The following KSR2 variants were observed in gnomAD, a reference collection of about 807,000 sequenced individuals.
KSR2 encodes kinase suppressor of ras 2.
A neutral mutation model predicts 107.8 loss-of-function variants in KSR2; 25 were observed. The observed-to-expected ratio is 0.23, with a 90% CI of 0.17 to 0.32. KSR2 has a LOEUF of 0.32. Among genes scored for constraint, KSR2 ranks in the 10% least tolerant of loss-of-function variants. The pLI is 1.00. For missense variants in KSR2, 887 were observed against 1,268.9 expected (o/e 0.70, Z 4.57); for synonymous variants, 480 against 507.0 (o/e 0.95, Z 0.71).
chr12:117,936,301 T>A (rs796401100), intron 1 of KSR2, among the ~76,000 whole-genome samples: 25 of 151,932 alleles, frequency 1.6e-4, no homozygotes, highest in African/African-American at 5.8e-4. Flanking sequence ...GTGCTAGGAT[T>A]ACAGGCATGA....
intron 3 of KSR2, among the ~76,000 whole-genome samples, chr12:117,844,509 T>C (rs1013479339): frequency 6.6e-6 from 1 of 151,880 alleles, no homozygotes; most frequent in Non-Finnish European, 1.5e-5. Flanking sequence ...TCACAAGTTT[T>C]TTAAAAAGTT....
At chr12:117,866,261 C>G (rs956067457) in intron 1 of KSR2, among the ~76,000 whole-genome samples, 1 of 152,044 alleles carries the variant, frequency 6.6e-6, no homozygotes, top group Non-Finnish European at 1.5e-5. Context: ...CTTGGTTGCC[C>G]AGGCTGGTCT....
At position 117,555,340 on chromosome 12, in the gene KSR2, C is replaced by T. The variant is rs1212182674; in HGVS notation, c.1394-47G>A. ...TTTGGGAGTTTAAGTATCACTTTGT[C>T]TTTGGTTATGCCAGGACGGCATAGC... On this transcript the variant is annotated intron_variant, in intron 8 of 19. Transcript: ENST00000339824. The T allele has an allele frequency of 1.9e-6, 3 of 1,608,252 alleles. No homozygotes were observed. The South Asian group carries it at 3.3e-5, about 18-fold the overall frequency.
At chr12:117,671,250 A>G (rs974623898) in intron 4 of KSR2, among the ~76,000 whole-genome samples, 1 of 152,166 alleles carries the variant, frequency 6.6e-6, no homozygotes, top group African/African-American at 2.4e-5. Flanking sequence ...TCCTCCAGAA[A>G]GCATTCCCTA....
chr12:117,499,510 T>C (rs775453457), intron 14 of KSR2, among the ~76,000 whole-genome samples: 4 of 152,212 alleles, frequency 2.6e-5, no homozygotes, highest in Non-Finnish European at 5.9e-5. Context: ...GGTGGGGAAC[T>C]GAAATGAGAA....
chr12:117,594,900 C>T (rs985683957), intron 5 of KSR2, among the ~76,000 whole-genome samples: 13 of 152,158 alleles, frequency 8.5e-5, no homozygotes, highest in Admixed American at 3.9e-4. Context: ...ATGCTACAAA[C>T]GAACAGAACA....
chr12:117,766,441 G>T (rs1041163237), intron 3 of KSR2, among the ~76,000 whole-genome samples: 2 of 152,204 alleles, frequency 1.3e-5, no homozygotes, highest in Non-Finnish European at 2.9e-5. Context: ...TTTTGAGGGG[G>T]TGATGAAATA....
At chr12:117,736,407 C>T (rs1268498033) in intron 4 of KSR2, among the ~76,000 whole-genome samples, 1 of 152,214 alleles carries the variant, frequency 6.6e-6, no homozygotes, top group Non-Finnish European at 1.5e-5. Flanking sequence ...TCTGAACTCC[C>T]AGTGCCTGGC....
intron 14 of KSR2, among the ~76,000 whole-genome samples, chr12:117,501,525 A>G (rs745548689): frequency 3.9e-5 from 6 of 152,116 alleles, no homozygotes; most frequent in Non-Finnish European, 7.3e-5. Flanking sequence ...CTGAGCTAAC[A>G]CTTCCAGAGC....
chr12:117,579,264 G>T, intron 6 of KSR2, 62 bp from the exon 7 acceptor site: 1 of 1,145,084 alleles, frequency 8.7e-7, no homozygotes, highest in Non-Finnish European at 1.3e-6. Context: ...TATCTCTAGA[G>T]GGATGAAGTA....
At chr12:117,685,010 G>A (rs558619998) in intron 4 of KSR2, among the ~76,000 whole-genome samples, 11 of 152,316 alleles carry the variant, frequency 7.2e-5, no homozygotes, top group African/African-American at 2.6e-4. Flanking sequence ...TGGGAGGGGA[G>A]GGGTAGGGGC....
chr12:117,891,604 A>G (rs1894343801), intron 1 of KSR2, among the ~76,000 whole-genome samples: 1 of 152,114 alleles, frequency 6.6e-6, no homozygotes, highest in Non-Finnish European at 1.5e-5. Context: ...AAAAAATGAA[A>G]TGTTTTATTA....
Position 117,638,785 on chromosome 12 carries a change from T to A in KSR2, c.1171+28689A>T, listed in dbSNP as rs1260158730. ...AATTCAGGACTGAGCACTCAGGTGT[T>A]CATTTTATCAGGGCTGGAACTACCA... On this transcript the variant is annotated intron_variant, in intron 5 of 19. Coordinates refer to ENST00000339824, the MANE Select transcript of KSR2 (RefSeq NM_173598.6). Among the ~76,000 whole-genome samples, 3 of 152,132 alleles carry A rather than the reference T, an allele frequency of 2.0e-5. No homozygotes were observed. In the East Asian group the frequency reaches 5.8e-4, roughly 29 times the overall value.
chr12:117,482,299 C>T (rs942463686), intron 16 of KSR2, among the ~76,000 whole-genome samples: 2 of 152,110 alleles, frequency 1.3e-5, no homozygotes, highest in South Asian at 2.1e-4. Context: ...ACCCCCTCCC[C>T]GCCATCTGAT....
intron 4 of KSR2, among the ~76,000 whole-genome samples, chr12:117,710,245 C>T (rs1278130234): frequency 6.6e-6 from 1 of 152,008 alleles, no homozygotes; most frequent in Non-Finnish European, 1.5e-5. Context: ...AAAAAAATGA[C>T]CAACGGGAAA....
At chr12:117,696,043 T>C (rs1303483891) in intron 4 of KSR2, among the ~76,000 whole-genome samples, 2 of 152,154 alleles carry the variant, frequency 1.3e-5, no homozygotes, top group African/African-American at 2.4e-5. Flanking sequence ...CTGTTAAATA[T>C]CGTTTCTAGC....
chr12:117,553,511 G>A (rs995554172), intron 9 of KSR2, among the ~76,000 whole-genome samples: 6 of 152,308 alleles, frequency 3.9e-5, no homozygotes, highest in Non-Finnish European at 8.8e-5. Context: ...CTCTCTGTGT[G>A]TTGCCATTGA....
At chr12:117,851,104 G>A (rs1476922457) in intron 3 of KSR2, among the ~76,000 whole-genome samples, 1 of 152,208 alleles carries the variant, frequency 6.6e-6, no homozygotes, top group African/African-American at 2.4e-5. Context: ...TGACTTCAGT[G>A]CTAAGTGCTG....
At chr12:117,935,942 A>G (rs1260736102) in intron 1 of KSR2, among the ~76,000 whole-genome samples, 1 of 151,916 alleles carries the variant, frequency 6.6e-6, no homozygotes, top group African/African-American at 2.4e-5. Context: ...TCTTTGCTCA[A>G]ATGTCACCTT....
Sources: allele counts gnomAD v4.1 joint callset (sites outside exome capture counted in the v4.1 genomes callset), GRCh38; gene constraint gnomAD v4.1.1; transcripts MANE v1.5; gene names NCBI Gene and HGNC (gene_info 2026-07-23, HGNC 2026-07-21).